AHDC1: variants seen among roughly 807,000 people sequenced by gnomAD.
The protein encoded by AHDC1 is AT-hook DNA binding motif containing 1.
Under a neutral mutation model 87.9 loss-of-function variants are expected in AHDC1, and 7 were observed. That is an observed-to-expected ratio of 0.08 (90% confidence interval 0.05 to 0.15). AHDC1 has a LOEUF of 0.15. Ranked by LOEUF, AHDC1 falls within the 10% of genes least tolerant of loss-of-function variation. AHDC1 has a pLI of 1.00. For missense variants in AHDC1, 1,841 were observed against 2,253.2 expected, an observed-to-expected ratio of 0.82 and a Z score of 3.70; for synonymous variants, 1,051 against 1,006.8, an observed-to-expected ratio of 1.04 and a Z score of -0.83.
intron 8 of AHDC1, among the ~76,000 whole-genome samples, chr1:27,546,590 C>T (rs1345118468): frequency 2.0e-5 from 3 of 152,216 alleles, no homozygotes; most frequent in African/African-American, 7.2e-5. Flanking sequence ...CCCTACCCCA[C>T]ATGCTCCTGG....
At chr1:27,571,938 T>A (rs982090302) in intron 3 of AHDC1, among the ~76,000 whole-genome samples, 1 of 151,880 alleles carries the variant, frequency 6.6e-6, no homozygotes, top group South Asian at 2.1e-4. Flanking sequence ...TGGGGAGAGA[T>A]AGTGTGACAC....
intron 8 of AHDC1, among the ~76,000 whole-genome samples, chr1:27,541,944 A>C (rs943840816): frequency 2.0e-5 from 3 of 152,202 alleles, no homozygotes; most frequent in Non-Finnish European, 2.9e-5. Flanking sequence ...GGTTTTAAAC[A>C]AACACCTGTA....
At chr1:27,569,415 C>T (rs952535437) in intron 3 of AHDC1, among the ~76,000 whole-genome samples, 4 of 152,102 alleles carry the variant, frequency 2.6e-5, no homozygotes, top group Non-Finnish European at 4.4e-5. Flanking sequence ...GGATTTGAAC[C>T]CCATGTTCTT....
intron 8 of AHDC1, among the ~76,000 whole-genome samples, chr1:27,542,344 C>G (rs557093080): frequency 1.3e-5 from 2 of 152,208 alleles, no homozygotes; most frequent in East Asian, 3.9e-4. Flanking sequence ...CACAAAGCCT[C>G]CCCCAAGGCC....
chr1:27,561,948 T>C lies in AHDC1; in HGVS notation c.-628-3065A>G, dbSNP rs1351873813. Among the ~76,000 whole-genome samples the C allele has an allele frequency of 7.1e-6, 1 of 141,034 alleles. No individual in the cohort carries two copies. Among genetic ancestry groups the C allele is most frequent in the Non-Finnish European group, 1.6e-5 (1 of 64,030 alleles). The allele number at this position is 141,034 out of a possible 152,430, so 92.5% of individuals were successfully genotyped here. The stretch of plus-strand genomic sequence containing the variant: ...CTTGTCAGAGGCTGAGGGGAGGGGG[T>C]AGCTCAGGCCCAGAGTGAGTCTGAG... On this transcript the variant is annotated intron_variant, in intron 3 of 8. Coordinates refer to ENST00000673934, the MANE Select transcript of AHDC1 (RefSeq NM_001371928.1). The surrounding 1 kb of genome is among the most constrained non-coding windows in gnomAD (Gnocchi z 4.2).
chr1:27,563,958 T>C lies in AHDC1; in HGVS notation c.-628-5075A>G, dbSNP rs1299489236. Among the ~76,000 whole-genome samples the C allele has an allele frequency of 6.6e-6, 1 of 152,182 alleles. No homozygotes were observed. The highest frequency in any genetic ancestry group is 1.5e-5 in the Non-Finnish European group (1 of 68,026). On this transcript the variant is annotated intron_variant, in intron 3 of 8. Coordinates refer to ENST00000673934, the MANE Select transcript of AHDC1 (RefSeq NM_001371928.1). This position sits in a 1 kb window ranked among gnomAD's most constrained non-coding sequence, Gnocchi z 6.1. ...TCCTGAGGCGCTGTTACTATGAGACTGCTTAGAGATCAGTGGGGAGTAGGG... is the reference window on the plus strand; with the variant it reads ...TCCTGAGGCGCTGTTACTATGAGACCGCTTAGAGATCAGTGGGGAGTAGGG...
chr1:27,569,694 C>A (rs2020482912), intron 3 of AHDC1, among the ~76,000 whole-genome samples: 1 of 152,096 alleles, frequency 6.6e-6, no homozygotes, highest in Non-Finnish European at 1.5e-5. Flanking sequence ...GACAGCAGGG[C>A]CAGAACAGGC....
chr1:27,551,995 TGGGAAGCAGGGGCCGGGG>T lies in AHDC1; in HGVS notation c.103_120del (p.Pro35_Pro40del). 1 of 548,128 alleles carries T rather than the reference TGGGAAGCAGGGGCCGGGG, an allele frequency of 1.8e-6. No homozygotes were observed. Among genetic ancestry groups the T allele is most frequent in the Non-Finnish European group, 2.1e-6 (1 of 484,178 alleles). 34.0% of individuals were successfully genotyped at this position (548,128 alleles called of 1,614,324 possible). A position where few individuals can be genotyped will look rare whatever the true frequency, so the allele number is the denominator to read the frequency against. On this transcript the variant is annotated inframe_deletion, in exon 8 of 9. Coordinates refer to ENST00000673934, the MANE Select transcript of AHDC1 (RefSeq NM_001371928.1). ...TCAGGTGGGCTGGCAGGGGGCCGGGTGGGAAGCAGGGGCCGGGGGGTGGGGGGGCCGCCGGGGTAGTAC... is the reference window on the plus strand; with the variant it reads ...TCAGGTGGGCTGGCAGGGGGCCGGGTGGTGGGGGGGCCGCCGGGGTAGTAC...
Position 27,549,553 on chromosome 1 carries a change from A to T in AHDC1, c.2563T>A (p.Phe855Ile). 1 of 1,613,228 alleles carries T rather than the reference A, an allele frequency of 6.2e-7. No individual in the cohort carries two copies. Among genetic ancestry groups the T allele is most frequent in the Non-Finnish European group, 8.5e-7 (1 of 1,179,982 alleles). ...DSDDSSDLLDFALSASRPESR... is the reference protein window; with the variant it reads ...DSDDSSDLLDIALSASRPESR... ...TCTGGGCGAGAGGCTGAGAGGGCAA[A>T]GTCCAAGAGATCGGAGGAGTCATCC... The change falls in exon 8 of 9, where the codon TTT becomes ATT. Residue 855 changes from phenylalanine to isoleucine, a missense_variant. Physicochemically the swap from Phe to Ile is conservative, Grantham distance 21. This residue lies in a region of AHDC1 where 378 missense variants were observed against 399.0 expected (regional missense o/e 0.95). Transcript: ENST00000673934.
intron 3 of AHDC1, among the ~76,000 whole-genome samples, chr1:27,569,719 C>T (rs2020484330): frequency 6.6e-6 from 1 of 152,126 alleles, no homozygotes; most frequent in Admixed American, 6.5e-5. Flanking sequence ...TCTAACCTTT[C>T]CAGCAGGCTC....
rs2089189590 is a variant in AHDC1, at chr1:27,590,335, T to A, written c.-629+13062A>T. Among the ~76,000 whole-genome samples the A allele has an allele frequency of 6.6e-6, 1 of 152,162 alleles. No homozygotes were observed. Among genetic ancestry groups the A allele is most frequent in the African/African-American group, 2.4e-5 (1 of 41,434 alleles). ...CTCCAACCTACTGTTTGCCTGGGCC[T>A]GTGGGAAGGCCAGACCCTTCCAGGC... On this transcript the variant is annotated intron_variant, in intron 3 of 8. Transcript: ENST00000673934. The surrounding 1 kb of genome is among the most constrained non-coding windows in gnomAD (Gnocchi z 5.4).
At chr1:27,591,188 C>T (rs2089210687) in intron 3 of AHDC1, among the ~76,000 whole-genome samples, 1 of 152,154 alleles carries the variant, frequency 6.6e-6, no homozygotes, top group Non-Finnish European at 1.5e-5. Context: ...GGAGCATGGC[C>T]CTAAGGAGTC....
rs2019150740 is a variant in AHDC1 at position 27,546,052 on chromosome 1, C to T, written c.*43+1209G>A. Among the ~76,000 whole-genome samples, 4 of 152,212 alleles carry T rather than the reference C, an allele frequency of 2.6e-5. No homozygotes were observed. In the South Asian group the frequency reaches 8.3e-4, roughly 31 times the overall value. On this transcript the variant is annotated intron_variant, in intron 8 of 8. Coordinates refer to ENST00000673934, the MANE Select transcript of AHDC1 (RefSeq NM_001371928.1). ...CTGAGTCACCCTGGCCTTGAATGGC[C>T]TCCCAGAGCACGGATGGGACTTTCC...
At chr1:27,544,523 C>G (rs890898359) in intron 8 of AHDC1, among the ~76,000 whole-genome samples, 1 of 152,224 alleles carries the variant, frequency 6.6e-6, no homozygotes, top group Non-Finnish European at 1.5e-5. Context: ...TGCTGCTTCT[C>G]CAGTGCCTGG....
Position 27,547,710 on chromosome 1 carries a change from G to T in AHDC1, c.4406C>A (p.Pro1469His). Reference sequence around the variant, plus strand: ...CGGGCTGCGGGCAGCTGAGCCTGGAGGGTACCAATAGGCTGTGCCCTTGCA... The same window carrying T: ...CGGGCTGCGGGCAGCTGAGCCTGGATGGTACCAATAGGCTGTGCCCTTGCA... Reference protein sequence around the residue: ...PSCKGTAYWYPPGSAARSPPY... With the variant: ...PSCKGTAYWYHPGSAARSPPY... Residue 1469 changes from proline to histidine, a missense_variant, in exon 8 of 9, where the codon CCT becomes CAT. Physicochemically the swap from Pro to His is moderately conservative, Grantham distance 77. This residue lies in a region of AHDC1 where 505 missense variants were observed against 626.2 expected (regional missense o/e 0.81). Coordinates refer to ENST00000673934, the MANE Select transcript of AHDC1 (RefSeq NM_001371928.1). The surrounding 1 kb of genome is among the most constrained non-coding windows in gnomAD (Gnocchi z 4.9). The T allele has an allele frequency of 6.3e-7, 1 of 1,597,168 alleles. No homozygotes were observed.
Position 27,550,798 on chromosome 1 carries a change from G to T in AHDC1, c.1318C>A (p.Leu440Met). 1 of 1,566,886 alleles carries T rather than the reference G, an allele frequency of 6.4e-7. No individual in the cohort carries two copies. The highest frequency in any genetic ancestry group is 2.4e-5 in the East Asian group (1 of 42,050). The change falls in exon 8 of 9, where the codon CTG (leucine) becomes ATG (methionine). Residue 440 changes from leucine (L) to methionine (M), a missense_variant. This residue lies in a region of AHDC1 where 370 missense variants were observed against 391.5 expected (regional missense o/e 0.95). Coordinates refer to ENST00000673934, the MANE Select transcript of AHDC1 (RefSeq NM_001371928.1). The part of the protein sequence containing the change: ...PPPPPPPPPA[L>M]PGPGPVSVPE... ...ACTGAGACCGGGCCTGGGCCTGGCA[G>T]GGCAGGGGGTGGAGGAGGCGGTGGT...
rs866639916 is a variant in AHDC1 at position 27,558,359 on chromosome 1, G to A, written c.-279C>T. ...ACTCCGGTAGAGAGGTGTCCTGGGG[G>A]GGTCAGCAGCTGCACACATCAGGCA... On this transcript the variant is annotated 5_prime_UTR_variant, in exon 5 of 9. Coordinates refer to ENST00000673934, the MANE Select transcript of AHDC1 (RefSeq NM_001371928.1). The surrounding 1 kb of genome is among the most constrained non-coding windows in gnomAD (Gnocchi z 5.6). 1 of 162,296 alleles carries A rather than the reference G, an allele frequency of 6.2e-6. No homozygotes were observed. The highest frequency in any genetic ancestry group is 1.3e-5 in the Non-Finnish European group (1 of 74,926). 10.1% of individuals were successfully genotyped at this position (162,296 alleles called of 1,614,324 possible).
At chr1:27,541,235 T>C (rs1466331470) in intron 8 of AHDC1, among the ~76,000 whole-genome samples, 2 of 152,192 alleles carry the variant, frequency 1.3e-5, no homozygotes, top group African/African-American at 4.8e-5. Flanking sequence ...ACAACGGTTT[T>C]AGAGGGTGGT....
At chr1:27,569,076 C>T (rs1194625671) in intron 3 of AHDC1, among the ~76,000 whole-genome samples, 1 of 151,300 alleles carries the variant, frequency 6.6e-6, no homozygotes, top group Admixed American at 6.6e-5. Context: ...CCCCTCACCC[C>T]ATCCCACCCC....
Sources: gnomAD v4.1 joint callset for allele counts (sites outside exome capture counted in the v4.1 genomes callset) on GRCh38, gnomAD v4.1.1 for gene constraint, gnomAD v4.1.1 regional missense constraint, Gnocchi (gnomAD v3.1) non-coding constraint, MANE v1.5 for transcripts, NCBI Gene and HGNC (gene_info 2026-07-23, HGNC 2026-07-21) for gene names.